Variants in PCDHAC1 observed in about 807,000 individuals in gnomAD.
PCDHAC1 encodes the protein protocadherin alpha-C1.
PCDHAC1 carries 42 observed loss-of-function variants against 60.0 expected under a neutral mutation model. The observed-to-expected ratio is 0.70, with a 90% CI of 0.55 to 0.90. PCDHAC1 has a LOEUF of 0.90. PCDHAC1 is among the 40% of genes least tolerant of loss of function. The pLI is 0.00. For missense variants in PCDHAC1, 1,160 were observed against 1,222.3 expected, an observed-to-expected ratio of 0.95 and a Z score of 0.76; for synonymous variants, 468 against 499.3, an observed-to-expected ratio of 0.94 and a Z score of 0.84.
chr5:140,999,885 G>A (rs1250861955), intron 3 of PCDHAC1, among the ~76,000 whole-genome samples: 1 of 152,200 alleles, frequency 6.6e-6, no homozygotes, highest in Non-Finnish European at 1.5e-5. Context: ...TAGCCCAGCT[G>A]TAGCTTGGGA....
chr5:140,964,138 C>T (rs529852998), intron 1 of PCDHAC1, among the ~76,000 whole-genome samples: 1 of 152,300 alleles, frequency 6.6e-6, no homozygotes, highest in Admixed American at 6.5e-5. Flanking sequence ...GTAAGGTTGG[C>T]AGGAGCCTCA....
intron 3 of PCDHAC1, among the ~76,000 whole-genome samples, chr5:140,985,373 C>G (rs1228293287): frequency 6.6e-6 from 1 of 152,106 alleles, no homozygotes. Flanking sequence ...TTATCTGGGT[C>G]TATATAATCC....
At chr5:140,936,604 G>A (rs1186463181) in intron 1 of PCDHAC1, among the ~76,000 whole-genome samples, 4 of 152,116 alleles carry the variant, frequency 2.6e-5, no homozygotes, top group South Asian at 2.1e-4. Context: ...TACTTTCCTC[G>A]CTGCTACTGT....
intron 3 of PCDHAC1, among the ~76,000 whole-genome samples, chr5:140,998,139 G>C (rs1354714500): frequency 2.0e-5 from 3 of 152,176 alleles, no homozygotes; most frequent in Non-Finnish European, 4.4e-5. Flanking sequence ...TAGCTAACCT[G>C]TACTGAACAG....
At chr5:140,979,169 A>T (rs2096837685) in intron 2 of PCDHAC1, 162 bp downstream of exon 2, 1 of 966,312 alleles carries the variant, frequency 1.0e-6, no homozygotes, top group Admixed American at 6.2e-5. Context: ...TCCTTGAAAG[A>T]TCGCAAATGG....
At chr5:140,937,770 G>C (rs1353635012) in intron 1 of PCDHAC1, among the ~76,000 whole-genome samples, 3 of 151,876 alleles carry the variant, frequency 2.0e-5, no homozygotes, top group Non-Finnish European at 4.4e-5. Flanking sequence ...AAATTAGTCG[G>C]GCGTGGTGGC....
intron 3 of PCDHAC1, among the ~76,000 whole-genome samples, chr5:140,993,762 A>G (rs1019928055): frequency 2.6e-5 from 4 of 152,204 alleles, no homozygotes; most frequent in Non-Finnish European, 4.4e-5. Flanking sequence ...TTATATTACA[A>G]TTGCGCAGTA....
chr5:140,982,967 T>C (rs1395576199), intron 3 of PCDHAC1, among the ~76,000 whole-genome samples: 1 of 150,996 alleles, frequency 6.6e-6, no homozygotes, highest in Non-Finnish European at 1.5e-5. Flanking sequence ...CCACCCAAAG[T>C]AGTAAGGAAA....
intron 1 of PCDHAC1, chr5:140,966,544 G>C: frequency 2.1e-6 from 1 of 465,718 alleles, no homozygotes; most frequent in Non-Finnish European, 3.7e-6. Flanking sequence ...GCGACTCGGA[G>C]GCGAGCGGAG....
At chr5:140,955,771 A>G (rs527455823) in intron 1 of PCDHAC1, among the ~76,000 whole-genome samples, 1 of 152,168 alleles carries the variant, frequency 6.6e-6, no homozygotes, top group Admixed American at 6.5e-5. Context: ...GATTCTGTCT[A>G]TCCATGAGCA....
chr5:140,963,301 A>T (rs2095755158), intron 1 of PCDHAC1, among the ~76,000 whole-genome samples: 1 of 152,238 alleles, frequency 6.6e-6, no homozygotes, highest in Non-Finnish European at 1.5e-5. Flanking sequence ...GAGAGAAAAT[A>T]AGAAGCTGTT....
chr5:141,000,395 CTATA>C (rs1190667031), intron 3 of PCDHAC1, among the ~76,000 whole-genome samples: 54 of 53,974 alleles, frequency 1.0e-3, no homozygotes, highest in East Asian at 2.4e-3. Context: ...CTCTCTCTCT[CTATA>C]TATATATATA....
At chr5:141,003,676 C>T (rs2098133802) in intron 3 of PCDHAC1, among the ~76,000 whole-genome samples, 2 of 152,124 alleles carry the variant, frequency 1.3e-5, no homozygotes, top group East Asian at 1.9e-4. Context: ...ATATGTTGTT[C>T]TGATTTTAAA....
intron 1 of PCDHAC1, chr5:140,969,137 T>A (rs1326685727): frequency 6.2e-7 from 1 of 1,614,036 alleles, no homozygotes. Flanking sequence ...CACCAAGACC[T>A]ACTGCTACAA....
rs965998627 is a variant in PCDHAC1, at chr5:140,927,045, C to T, written c.153C>T (p.Ser51=). 8 of 1,612,136 alleles carry T rather than the reference C, an allele frequency of 5.0e-6. No homozygotes were observed. Among genetic ancestry groups the T allele is most frequent in the African/African-American group, 1.3e-5 (1 of 74,912 alleles). The part of the protein sequence containing the change: ...ADLRLPAAAM[S]SRNFRFLSSH... ...TGAGGCTGCCAGCGGCCGCTATGTCCTCGCGGAACTTTCGCTTCCTTTCCA... is the reference window on the plus strand; with the variant it reads ...TGAGGCTGCCAGCGGCCGCTATGTCTTCGCGGAACTTTCGCTTCCTTTCCA... Residue 51 remains serine (S), a synonymous_variant, in exon 1 of 4, where the codon TCC becomes TCT. Transcript: ENST00000253807.
At chr5:140,999,837 A>G (rs2097878885) in intron 3 of PCDHAC1, among the ~76,000 whole-genome samples, 2 of 152,206 alleles carry the variant, frequency 1.3e-5, no homozygotes, top group South Asian at 2.1e-4. Flanking sequence ...AAATATGCCA[A>G]GTGTATTTAT....
At chr5:141,004,580 A>T (rs782539696) in intron 3 of PCDHAC1, among the ~76,000 whole-genome samples, 1 of 152,222 alleles carries the variant, frequency 6.6e-6, no homozygotes, top group Non-Finnish European at 1.5e-5. Context: ...TGTGTTCTGC[A>T]TCTCCAGATG....
intron 1 of PCDHAC1, among the ~76,000 whole-genome samples, chr5:140,940,027 G>A (rs1554213088): frequency 6.6e-6 from 1 of 152,058 alleles, no homozygotes; most frequent in Non-Finnish European, 1.5e-5. Context: ...TATGTTTTAA[G>A]GCTATTTTAT....
At chr5:140,969,284 G>T (rs782449740) in intron 1 of PCDHAC1, 1 of 1,614,216 alleles carries the variant, frequency 6.2e-7, no homozygotes, top group Non-Finnish European at 8.5e-7. Flanking sequence ...TGGTCAGAAT[G>T]CTGGGAACCT....
Sources: allele counts gnomAD v4.1 joint callset (sites outside exome capture counted in the v4.1 genomes callset), GRCh38; gene constraint gnomAD v4.1.1; transcripts MANE v1.5; gene names NCBI Gene and HGNC (gene_info 2026-07-23, HGNC 2026-07-21).